VDAC2: variants seen among roughly 807,000 people sequenced by gnomAD.
VDAC2 encodes the protein non-selective voltage-gated ion channel VDAC2.
In VDAC2, 6 loss-of-function variants were observed where a neutral mutation model predicts 36.6. The observed-to-expected ratio is 0.16, with a 90% CI of 0.09 to 0.32. VDAC2 has a LOEUF of 0.32. Ranked by LOEUF, VDAC2 falls within the 10% of genes least tolerant of loss-of-function variation. The pLI, the probability that VDAC2 is intolerant of heterozygous loss-of-function variation, is 1.00. For synonymous variants in VDAC2, 109 were observed against 123.8 expected (o/e 0.88, Z 0.79); for missense variants, 247 against 346.0 (o/e 0.71, Z 2.27).
At chr10:75,217,888 A>G in intron 4 of VDAC2, 1 of 1,284,018 alleles carries the variant, frequency 7.8e-7, no homozygotes, top group South Asian at 1.2e-5. Flanking sequence ...CACTCTACAG[A>G]TATCACAATT....
intron 4 of VDAC2, chr10:75,217,914 T>G: frequency 7.8e-7 from 1 of 1,288,508 alleles, no homozygotes; most frequent in Non-Finnish European, 1.0e-6. Flanking sequence ...CTGTAGTCTC[T>G]TTATTATTTT....
upstream of VDAC2, chr10:75,210,183 A>AACCCAGCACAGCAAGGCAGTCACACC (rs1841351621): frequency 6.6e-6 from 1 of 152,390 alleles, no homozygotes; most frequent in Admixed American, 6.5e-5. Context: ...TCAGGCACAC[A>AACCCAGCACAGCAAGGCAGTCACACC]ACCCAGCACA....
intron 1 of VDAC2, 55 bp from the exon 2 acceptor site, chr10:75,211,079 G>T (rs1005842140): frequency 3.3e-5 from 49 of 1,503,150 alleles, no homozygotes; most frequent in Non-Finnish European, 4.2e-5. Flanking sequence ...CTCTGCCCGG[G>T]ATCTCCCTTT....
At chr10:75,229,723 G>T (rs781572375) in intron 9 of VDAC2, 22 bp downstream of exon 9, 66 of 1,572,840 alleles carry the variant, frequency 4.2e-5, no homozygotes, top group Non-Finnish European at 5.1e-5. Flanking sequence ...TGATAAAGTA[G>T]GATTGTTTTG....
At chr10:75,227,577 A>ACTTTTT (rs1841990628) in intron 8 of VDAC2, among the ~76,000 whole-genome samples, 2 of 99,928 alleles carry the variant, frequency 2.0e-5, no homozygotes, top group African/African-American at 4.5e-5. Context: ...AATAATAGGA[A>ACTTTTT]TTTTTTTTTT....
At chr10:75,218,156 A>C (rs1841664809) in intron 4 of VDAC2, 1 of 345,750 alleles carries the variant, frequency 2.9e-6, no homozygotes, top group African/African-American at 2.2e-5. Flanking sequence ...GCAACCAGGG[A>C]TTGGCACATT....
At chr10:75,210,412 G>C (rs964731776), upstream of VDAC2, among the ~76,000 whole-genome samples, 2 of 152,210 alleles carry the variant, frequency 1.3e-5, no homozygotes, top group African/African-American at 2.4e-5. Flanking sequence ...CCGCACCAGC[G>C]CGTAAGGGGA....
At chr10:75,230,702 A>G (rs558098999) in intron 9 of VDAC2, among the ~76,000 whole-genome samples, 196 bp from the exon 10 acceptor site, 18 of 152,312 alleles carry the variant, frequency 1.2e-4, no homozygotes, top group South Asian at 8.3e-4. Context: ...TTGGTGCCTT[A>G]GCTAGAATGG....
At chr10:75,212,776 C>T (rs905088303) in intron 3 of VDAC2, among the ~76,000 whole-genome samples, 2 of 152,138 alleles carry the variant, frequency 1.3e-5, no homozygotes, top group Non-Finnish European at 2.9e-5. Flanking sequence ...TCTACATCCC[C>T]CTCCCCCAAT....
At chr10:75,222,765 C>T (rs1314643681) in intron 8 of VDAC2, among the ~76,000 whole-genome samples, 4 of 152,120 alleles carry the variant, frequency 2.6e-5, no homozygotes, top group African/African-American at 7.2e-5. Context: ...TGCAGTGGCA[C>T]AATCACGACT....
chr10:75,223,501 G>A (rs1426434007), intron 8 of VDAC2, among the ~76,000 whole-genome samples: 1 of 152,182 alleles, frequency 6.6e-6, no homozygotes, highest in African/African-American at 2.4e-5. Context: ...GTTTGGAAAT[G>A]TACCTAGCCT....
At chr10:75,229,905 C>T (rs1167232289) in intron 9 of VDAC2, among the ~76,000 whole-genome samples, 1 of 148,794 alleles carries the variant, frequency 6.7e-6, no homozygotes, top group East Asian at 1.9e-4. Context: ...CATGACACTT[C>T]TCTTCAGAAT....
chr10:75,213,402 A>G (rs970869635), intron 3 of VDAC2, among the ~76,000 whole-genome samples: 2 of 152,154 alleles, frequency 1.3e-5, no homozygotes, highest in African/African-American at 4.8e-5. Flanking sequence ...GTTATTAGCT[A>G]TTCTGAAATT....
At chr10:75,213,342 A>G (rs377544155) in intron 3 of VDAC2, among the ~76,000 whole-genome samples, 9 of 152,228 alleles carry the variant, frequency 5.9e-5, no homozygotes, top group Admixed American at 5.9e-4. Flanking sequence ...GACTACCCGA[A>G]GTGCTAGGAT....
intron 8 of VDAC2, among the ~76,000 whole-genome samples, chr10:75,225,606 C>G (rs945432240): frequency 6.6e-6 from 1 of 152,034 alleles, no homozygotes; most frequent in South Asian, 2.1e-4. Context: ...TATTTGCCAG[C>G]GAGCCTGGAA....
At chr10:75,221,886 A>G (rs555774700) in intron 7 of VDAC2, among the ~76,000 whole-genome samples, 6 of 152,348 alleles carry the variant, frequency 3.9e-5, no homozygotes, top group Non-Finnish European at 5.9e-5. Flanking sequence ...AAGAAAACCT[A>G]CGTTTCTTAC....
chr10:75,213,496 G>C (rs1564709145), intron 3 of VDAC2, among the ~76,000 whole-genome samples: 1 of 152,074 alleles, frequency 6.6e-6, no homozygotes, highest in Non-Finnish European at 1.5e-5. Context: ...TGTAATCCCA[G>C]CACTTTGGGA....
chr10:75,212,107 TA>T, intron 2 of VDAC2, 122 bp from the exon 3 acceptor site: 1 of 847,554 alleles, frequency 1.2e-6, no homozygotes. Context: ...CCTGACCGCA[TA>T]AAAAACATTC....
In VDAC2 at chr10:75,219,203, A is replaced by C; in HGVS notation, c.291A>C (p.Ala97=). 6.3e-7 allele frequency: 1 copy of C among 1,598,938 alleles called. No homozygotes were observed. The highest frequency in any genetic ancestry group is 8.5e-7 in the Non-Finnish European group (1 of 1,173,336). ...NTDNTLGTEI[A]IEDQICQGLK... ...ATAACACTCTGGGAACAGAAATCGC[A>C]ATTGAAGACCAGGTAACATTTTGAA... is the stretch of plus-strand genomic sequence containing the variant. The change falls in exon 5 of 10, where the codon GCA becomes GCC. Residue 97 remains alanine, a synonymous_variant. Transcript: ENST00000332211.
Sources: allele counts gnomAD v4.1 joint callset (sites outside exome capture counted in the v4.1 genomes callset), GRCh38; gene constraint gnomAD v4.1.1; transcripts MANE v1.5; gene names NCBI Gene and HGNC (gene_info 2026-07-23, HGNC 2026-07-21).